CNOT10: variants seen among roughly 807,000 people sequenced by gnomAD.
CNOT10 encodes the protein CCR4-NOT transcription complex, subunit 10.
Under a neutral mutation model 94.6 loss-of-function variants are expected in CNOT10, and 30 were observed. The observed-to-expected ratio is 0.32, with a 90% CI of 0.24 to 0.43. The LOEUF (loss-of-function observed/expected upper bound fraction) is 0.43. Among genes scored for constraint, CNOT10 ranks in the 20% least tolerant of loss-of-function variants. The pLI is 1.00. For missense variants in CNOT10, 759 were observed against 877.2 expected (o/e 0.87, Z 1.70); for synonymous variants, 289 against 301.6 (o/e 0.96, Z 0.43).
intron 18 of CNOT10, 58 bp downstream of exon 18, chr3:32,770,020 T>G: frequency 7.1e-7 from 1 of 1,401,126 alleles, no homozygotes; most frequent in South Asian, 1.2e-5. Flanking sequence ...GATTTTTTGG[T>G]TGGGAGACAG....
At chr3:32,723,216 A>AC (rs1481155394) in intron 8 of CNOT10, among the ~76,000 whole-genome samples, 10 of 151,848 alleles carry the variant, frequency 6.6e-5, no homozygotes, top group Non-Finnish European at 1.5e-4. Flanking sequence ...ACACGGTGAA[A>AC]CCCCGTCTCT....
At chr3:32,686,749 T>G (rs763128704) in intron 1 of CNOT10, among the ~76,000 whole-genome samples, 5 of 152,332 alleles carry the variant, frequency 3.3e-5, no homozygotes, top group East Asian at 1.9e-4. Context: ...ATAGTGTCTG[T>G]GTTCCCCACA....
intron 13 of CNOT10, among the ~76,000 whole-genome samples, chr3:32,756,690 A>G (rs560834339): frequency 2.0e-5 from 3 of 152,378 alleles, no homozygotes; most frequent in East Asian, 3.9e-4. Context: ...TCTTTAACAA[A>G]TACTTATTAA....
intron 18 of CNOT10, 130 bp from the exon 19 acceptor site, chr3:32,773,327 A>G (rs1700993639): frequency 5.4e-6 from 5 of 929,156 alleles, no homozygotes; most frequent in African/African-American, 5.0e-5. Context: ...GGATTCCAGT[A>G]TACAGCCAAG....
intron 4 of CNOT10, among the ~76,000 whole-genome samples, chr3:32,711,873 A>G (rs1697903913): frequency 6.6e-6 from 1 of 152,222 alleles, no homozygotes; most frequent in African/African-American, 2.4e-5. Flanking sequence ...TCTTAGGTGC[A>G]GTGAGATTCC....
intron 11 of CNOT10, 82 bp downstream of exon 11, chr3:32,733,626 G>A: frequency 2.1e-6 from 2 of 969,872 alleles, no homozygotes; most frequent in South Asian, 4.7e-5. Context: ...GTATGATTAG[G>A]ATTTATCATT....
intron 1 of CNOT10, among the ~76,000 whole-genome samples, chr3:32,689,558 T>G (rs189779845): frequency 6.6e-6 from 1 of 152,178 alleles, no homozygotes; most frequent in South Asian, 2.1e-4. Context: ...GGAAAATGTC[T>G]AAAGAACATC....
chr3:32,739,578 A>G (rs1022113284), intron 13 of CNOT10, among the ~76,000 whole-genome samples: 3 of 152,172 alleles, frequency 2.0e-5, no homozygotes, highest in South Asian at 2.1e-4. Flanking sequence ...AATAGTCTAA[A>G]AAGTAATACA....
intron 1 of CNOT10, among the ~76,000 whole-genome samples, chr3:32,698,890 A>G (rs1213848690): frequency 6.6e-6 from 1 of 152,160 alleles, no homozygotes; most frequent in Non-Finnish European, 1.5e-5. Context: ...TGTTCAAGCA[A>G]TCCTCCCACC....
intron 1 of CNOT10, among the ~76,000 whole-genome samples, chr3:32,702,588 G>A (rs971438011): frequency 2.0e-5 from 3 of 152,194 alleles, no homozygotes; most frequent in Admixed American, 6.5e-5. Flanking sequence ...GAAATTAGCT[G>A]TAAGCCCTTA....
In CNOT10 at chr3:32,695,966, A is replaced by AGTGTGTGTGT. The variant is rs1374247638; in HGVS notation, c.23-7901_23-7900insTGTGTGTGTG. ...GAAAATAAAAATAATCCTGTTGAAG[A>AGTGTGTGTGT]GAGTGTGTGTGTGTGTGTGTGTGTG... is the stretch of plus-strand genomic sequence containing the variant. On this transcript the variant is annotated intron_variant, in intron 1 of 18. Coordinates refer to ENST00000328834, the MANE Select transcript of CNOT10 (RefSeq NM_015442.3). The AGTGTGTGTGT allele has an allele frequency of 3.4e-4, 210 of 616,772 alleles. 1 individual carries two copies. The highest frequency in any genetic ancestry group is 7.2e-4 in the African/African-American group (32 of 44,216). 38.2% of individuals were successfully genotyped at this position (616,772 alleles called of 1,614,324 possible).
intron 12 of CNOT10, 76 bp from the exon 13 acceptor site, chr3:32,737,334 G>A (rs1699233562): frequency 1.9e-6 from 2 of 1,060,030 alleles, no homozygotes; most frequent in Non-Finnish European, 2.8e-6. Context: ...TTGGGAGTAA[G>A]GACAGGGAAA....
chr3:32,731,642 A>G lies in CNOT10; in HGVS notation c.1216-1781A>G, dbSNP rs1367408497. On this transcript the variant is annotated intron_variant, in intron 10 of 18. Coordinates refer to ENST00000328834, the MANE Select transcript of CNOT10 (RefSeq NM_015442.3). ...AGGCATGCATGACCGCACTTGGCTA[A>G]TTTTTGTATTTCTTTGTAGAGGTGG... Among the ~76,000 whole-genome samples the G allele has an allele frequency of 2.0e-5, 3 of 152,130 alleles. No individual in the cohort carries two copies. The East Asian group carries it at 5.8e-4, about 29-fold the overall frequency.
At chr3:32,708,936 G>A in intron 4 of CNOT10, 116 bp downstream of exon 4, 1 of 758,370 alleles carries the variant, frequency 1.3e-6, no homozygotes, top group Non-Finnish European at 2.0e-6. Flanking sequence ...TCAAAGAAAA[G>A]CCGTATCAGC....
intron 14 of CNOT10, 91 bp downstream of exon 14, chr3:32,759,662 CAGTGGAATATATATTTGTAAGGAA>C: frequency 1.2e-6 from 1 of 837,494 alleles, no homozygotes; most frequent in South Asian, 1.5e-5. Flanking sequence ...TTGACTCCTC[CAGTGGAATATATATTTGTAAGGAA>C]AGCAACTGTT....
rs1701000328 is a variant in CNOT10 at position 32,773,528 on chromosome 3, G to T, written c.2152G>T (p.Val718Leu). 1 of 1,614,174 alleles carries T rather than the reference G, an allele frequency of 6.2e-7. No homozygotes were observed. Among genetic ancestry groups the T allele is most frequent in the African/African-American group, 1.3e-5 (1 of 75,056 alleles). The change falls in exon 19 of 19, where the codon GTG becomes TTG. Residue 718 changes from valine to leucine, a missense_variant. Val to Leu is a conservative substitution (Grantham distance 32). Around this residue, in one of 3 missense-constraint regions of CNOT10, gnomAD observed 73 missense variants for 61.0 expected, o/e 1.20. Transcript: ENST00000328834. ...LLPAVKTHSEVRKKPVFQPVH... is the reference protein window; with the variant it reads ...LLPAVKTHSELRKKPVFQPVH... ...CCCTGCAGTGAAAACACACTCTGAA[G>T]TGAGAAAGAAGCCAGTGTTTCAGCC...
chr3:32,751,135 C>T (rs925261083), intron 13 of CNOT10, among the ~76,000 whole-genome samples: 4 of 152,296 alleles, frequency 2.6e-5, no homozygotes, highest in Non-Finnish European at 5.9e-5. Flanking sequence ...GGGTCTTGCT[C>T]TGTCGCCCAG....
At chr3:32,691,652 C>T (rs1559473907) in intron 1 of CNOT10, among the ~76,000 whole-genome samples, 1 of 152,316 alleles carries the variant, frequency 6.6e-6, no homozygotes, top group East Asian at 1.9e-4. Flanking sequence ...AACATCATAA[C>T]ACTTCATCTC....
In CNOT10 at chr3:32,727,528, T is replaced by A. The variant is rs571344060; in HGVS notation, c.1013-140T>A. The A allele has an allele frequency of 3.0e-4, 190 of 628,046 alleles. 1 individual carries two copies. Among genetic ancestry groups the A allele is most frequent in the Non-Finnish European group, 4.4e-4 (157 of 357,666 alleles). The allele number at this position is 628,046 out of a possible 1,614,324, so 38.9% of individuals were successfully genotyped here. ...GTGGGGTTGAGAATGGAGACCACCA[T>A]TGGCGAGAGCTATTAAAACTCAGAT... On this transcript the variant is annotated intron_variant, in intron 9 of 18. Coordinates refer to ENST00000328834, the MANE Select transcript of CNOT10 (RefSeq NM_015442.3).
Sources: gnomAD v4.1 joint callset for allele counts (sites outside exome capture counted in the v4.1 genomes callset) on GRCh38, gnomAD v4.1.1 for gene constraint, gnomAD v4.1.1 regional missense constraint, MANE v1.5 for transcripts, NCBI Gene and HGNC (gene_info 2026-07-23, HGNC 2026-07-21) for gene names.